The following PXDNL variants were observed in gnomAD, a reference collection of about 807,000 sequenced individuals.
The protein encoded by PXDNL is probable oxidoreductase PXDNL.
In PXDNL, 145 loss-of-function variants were observed where a neutral mutation model predicts 150.8. That is an observed-to-expected ratio of 0.96 (90% CI 0.84 to 1.10). The LOEUF (loss-of-function observed/expected upper bound fraction) is 1.10, where lower values mean the gene tolerates loss of function less well. Ranked by LOEUF, PXDNL falls within the 50% of genes least tolerant of loss-of-function variation. PXDNL has a pLI of 0.00. For synonymous variants in PXDNL, 757 were observed against 725.7 expected, an observed-to-expected ratio of 1.04 and a Z score of -0.69; for missense variants, 2,087 against 1,873.9, an observed-to-expected ratio of 1.11 and a Z score of -2.10.
chr8:51,491,919 T>G (rs565498694), intron 5 of PXDNL, among the ~76,000 whole-genome samples: 1 of 152,378 alleles, frequency 6.6e-6, no homozygotes, highest in Non-Finnish European at 1.5e-5. Context: ...GCTGGCTCCC[T>G]GCTCACACAG....
At chr8:51,650,390 C>T (rs1039129517) in intron 2 of PXDNL, among the ~76,000 whole-genome samples, 5 of 152,060 alleles carry the variant, frequency 3.3e-5, no homozygotes, top group Admixed American at 2.0e-4. Flanking sequence ...CTGCCATGAT[C>T]GAGTATAAAA....
At chr8:51,505,850 C>T (rs887160143) in intron 4 of PXDNL, among the ~76,000 whole-genome samples, 11 of 152,204 alleles carry the variant, frequency 7.2e-5, no homozygotes, top group African/African-American at 2.4e-4. Flanking sequence ...ATTGAGATGA[C>T]ACAAACTTTC....
rs1335693006 is a variant in PXDNL at position 51,453,741 on chromosome 8, T to C, written c.1027A>G (p.Ile343Val). The C allele has an allele frequency of 2.5e-6, 4 of 1,614,020 alleles. No homozygotes were observed. In the Admixed American group the frequency reaches 6.7e-5, roughly 27 times the overall value. ...VIQPQDTEVL[I>V]GTSTTLECMA... ...CATTCCAAAGTTGTGCTGGTGCCAA[T>C]TAAAACCTCTGTGTCCTGAGGCTGG... is the stretch of plus-strand genomic sequence containing the variant. Residue 343 changes from isoleucine (I) to valine (V), a missense_variant, in exon 10 of 23, where the codon ATT becomes GTT. Physicochemically the swap from Ile to Val is conservative, Grantham distance 29. Transcript: ENST00000356297.
intron 4 of PXDNL, among the ~76,000 whole-genome samples, chr8:51,546,093 A>G (rs1249363958): frequency 6.6e-6 from 1 of 152,200 alleles, no homozygotes; most frequent in African/African-American, 2.4e-5. Context: ...CTATAGGAAC[A>G]TATGAGGAAA....
intron 4 of PXDNL, among the ~76,000 whole-genome samples, chr8:51,548,766 T>C (rs1298993381): frequency 6.6e-6 from 1 of 151,344 alleles, no homozygotes; most frequent in African/African-American, 2.4e-5. Context: ...CATAACACAG[T>C]GGAAAAAAAA....
intron 2 of PXDNL, among the ~76,000 whole-genome samples, chr8:51,638,271 G>A (rs371388752): frequency 1.3e-5 from 2 of 152,084 alleles, no homozygotes; most frequent in Non-Finnish European, 2.9e-5. Context: ...GACCATCGAG[G>A]CTAGGAAGAA....
intron 5 of PXDNL, among the ~76,000 whole-genome samples, chr8:51,496,605 C>A (rs1003642051): frequency 3.3e-5 from 5 of 152,154 alleles, no homozygotes; most frequent in African/African-American, 1.2e-4. Flanking sequence ...GATACAAAAT[C>A]AATGTGCAAA....
chr8:51,469,364 AT>A (rs1356631558), intron 8 of PXDNL, among the ~76,000 whole-genome samples: 82 of 151,942 alleles, frequency 5.4e-4, no homozygotes, highest in South Asian at 2.1e-4. Context: ...AAATTTTCTG[AT>A]TTTTTTATTT....
rs866716009 is a variant in PXDNL at position 51,705,832 on chromosome 8, T to C, written c.165-51072A>G. 2.9e-4 allele frequency among the ~76,000 whole-genome samples: 44 copies of C among 149,698 alleles called. No individual in the cohort carries two copies. In the East Asian group the frequency reaches 6.8e-3, roughly 23 times the overall value. ...CTGTGTGTGTGTGTGTGTGTGTGTG[T>C]GCGCGCGCGCGCGCGCGCGCGTGCA... On this transcript the variant is annotated intron_variant, in intron 1 of 22. Coordinates refer to ENST00000356297, the MANE Select transcript of PXDNL (RefSeq NM_144651.5).
intron 4 of PXDNL, among the ~76,000 whole-genome samples, chr8:51,551,407 T>C (rs1244868249): frequency 6.6e-6 from 1 of 152,110 alleles, no homozygotes; most frequent in Non-Finnish European, 1.5e-5. Context: ...GGCATCACAT[T>C]ATCTGACTAT....
At chr8:51,327,362 T>C (rs1805532664) in intron 21 of PXDNL, among the ~76,000 whole-genome samples, 1 of 152,234 alleles carries the variant, frequency 6.6e-6, no homozygotes, top group Admixed American at 6.5e-5. Context: ...TCTTCAGTGA[T>C]GGCCCTGATA....
At chr8:51,649,362 C>T (rs1387250045) in intron 2 of PXDNL, among the ~76,000 whole-genome samples, 5 of 152,126 alleles carry the variant, frequency 3.3e-5, no homozygotes, top group Non-Finnish European at 5.9e-5. Flanking sequence ...TCCCATTAAA[C>T]GTACTGTGTT....
intron 2 of PXDNL, among the ~76,000 whole-genome samples, chr8:51,629,861 C>T (rs1814454199): frequency 6.6e-6 from 1 of 152,056 alleles, no homozygotes; most frequent in Non-Finnish European, 1.5e-5. Flanking sequence ...TGGCATACTG[C>T]CCAAAGCAAT....
chr8:51,349,106 G>T (rs1806255599), intron 19 of PXDNL, among the ~76,000 whole-genome samples: 3 of 151,980 alleles, frequency 2.0e-5, no homozygotes. Flanking sequence ...GACGGCAACA[G>T]ATGTGGATGA....
intron 4 of PXDNL, among the ~76,000 whole-genome samples, chr8:51,534,159 G>A (rs1200402183): frequency 2.1e-5 from 3 of 142,014 alleles, no homozygotes; most frequent in African/African-American, 8.9e-5. Context: ...TGTGAGGAGC[G>A]CCTCTGCTGG....
At chr8:51,458,971 A>G (rs1263274069) in intron 8 of PXDNL, among the ~76,000 whole-genome samples, 2 of 152,230 alleles carry the variant, frequency 1.3e-5, no homozygotes, top group Admixed American at 1.3e-4. Flanking sequence ...CAAAAAAGAA[A>G]TTCGAGTTGT....
chr8:51,696,794 CACATAG>C (rs1816148192), intron 1 of PXDNL, among the ~76,000 whole-genome samples: 1 of 3,834 alleles, frequency 2.6e-4, no homozygotes, highest in Non-Finnish European at 5.8e-4. Flanking sequence ...TACCCACCCA[CACATAG>C]GTCTTCACAC....
intron 21 of PXDNL, among the ~76,000 whole-genome samples, chr8:51,327,042 A>T (rs1343464860): frequency 6.6e-6 from 1 of 152,200 alleles, no homozygotes; most frequent in Non-Finnish European, 1.5e-5. Flanking sequence ...ATTCTGAGGT[A>T]CTGTCTAATG....
chr8:51,568,644 A>C (rs1336614646), intron 3 of PXDNL, among the ~76,000 whole-genome samples: 1 of 151,638 alleles, frequency 6.6e-6, no homozygotes, highest in African/African-American at 2.4e-5. Flanking sequence ...CCCATCTGTC[A>C]TTATTTTTGG....
Sources: gnomAD v4.1 joint callset for allele counts (sites outside exome capture counted in the v4.1 genomes callset) on GRCh38, gnomAD v4.1.1 for gene constraint, MANE v1.5 for transcripts, NCBI Gene and HGNC (gene_info 2026-07-23, HGNC 2026-07-21) for gene names.